Variants in LHFPL7 observed in about 807,000 individuals in gnomAD.
LHFPL7 encodes the protein LHFPL tetraspan subfamily member 7.
chr22:24,944,561 G>A, the LHFPL7 span, among the ~76,000 whole-genome samples: 8 of 151,968 alleles, frequency 5.3e-5, no homozygotes, highest in Non-Finnish European at 1.0e-4. Flanking sequence ...AGAGCGGTGC[G>A]CCTTGTAGCA....
At chr22:24,935,457 T>C in the LHFPL7 span, 6 of 1,614,070 alleles carry the variant, frequency 3.7e-6, no homozygotes, top group Admixed American at 3.3e-5. Flanking sequence ...CAGGACTGCA[T>C]TGAGGATAGC....
chr22:24,939,212 G>A, the LHFPL7 span: 1 of 672,750 alleles, frequency 1.5e-6, no homozygotes, highest in Non-Finnish European at 2.7e-6. Context: ...TGGCAAATTC[G>A]AAGCCACTGG....
At chr22:24,944,734 T>G in the LHFPL7 span, among the ~76,000 whole-genome samples, 1 of 151,708 alleles carries the variant, frequency 6.6e-6, no homozygotes, top group African/African-American at 2.4e-5. Context: ...ATTTATTTAT[T>G]TATTTATTTA....
the LHFPL7 span, among the ~76,000 whole-genome samples, chr22:24,944,703 C>T: frequency 2.7e-5 from 4 of 150,234 alleles, no homozygotes; most frequent in African/African-American, 7.5e-5. Flanking sequence ...TACAGGCATG[C>T]ACCAACATGC....
At chr22:24,939,182 C>G in the LHFPL7 span, among the ~76,000 whole-genome samples, 1 of 152,072 alleles carries the variant, frequency 6.6e-6, no homozygotes, top group African/African-American at 2.4e-5. Flanking sequence ...AACTTCTATG[C>G]TCAGTTCTAA....
the LHFPL7 span, among the ~76,000 whole-genome samples, chr22:24,935,804 T>G: frequency 6.6e-6 from 1 of 151,980 alleles, no homozygotes; most frequent in African/African-American, 2.4e-5. Context: ...ACCCATCCAT[T>G]CAAACATACT....
the LHFPL7 span, chr22:24,939,357 T>C: frequency 2.8e-6 from 2 of 702,942 alleles, no homozygotes; most frequent in Middle Eastern, 4.6e-4. Context: ...GTCAGGAATA[T>C]CCTCCAGGGA....
the LHFPL7 span, among the ~76,000 whole-genome samples, chr22:24,939,919 T>C: frequency 7.9e-6 from 1 of 127,340 alleles, no homozygotes; most frequent in Non-Finnish European, 1.6e-5. Flanking sequence ...TTCATTCATT[T>C]ATCGCTTTTT....
At chr22:24,940,636 C>CCTTCCTTCCTT in the LHFPL7 span, among the ~76,000 whole-genome samples, 18 of 61,094 alleles carry the variant, frequency 2.9e-4, no homozygotes, top group African/African-American at 9.8e-4. Context: ...CATATGCCCG[C>CCTTCCTTCCTT]CCTTCCTTCC....
chr22:24,941,979 T>TTTTATTTATTTATTTATTTA, the LHFPL7 span, among the ~76,000 whole-genome samples: 318 of 145,972 alleles, frequency 2.2e-3, 4 homozygotes, highest in African/African-American at 7.5e-3. Context: ...TTCAAATGTA[T>TTTTATTTATTTATTTATTTA]TTTATTTATT....
At chr22:24,945,928 C>A in the LHFPL7 span, among the ~76,000 whole-genome samples, 1 of 152,240 alleles carries the variant, frequency 6.6e-6, no homozygotes, top group Non-Finnish European at 1.5e-5. Context: ...AATTATGTAA[C>A]GGCTCTGAGC....
chr22:24,942,855 T>C, the LHFPL7 span, among the ~76,000 whole-genome samples: 1 of 148,792 alleles, frequency 6.7e-6, no homozygotes, highest in Admixed American at 6.7e-5. Flanking sequence ...CTCTGGAAAA[T>C]GGGAGTGAGG....
the LHFPL7 span, among the ~76,000 whole-genome samples, chr22:24,941,070 T>A: frequency 3.3e-5 from 5 of 151,552 alleles, no homozygotes; most frequent in African/African-American, 7.3e-5. Flanking sequence ...GTTTTTTTTT[T>A]ATTTTAATTA....
the LHFPL7 span, among the ~76,000 whole-genome samples, chr22:24,939,923 G>A: frequency 9.0e-5 from 7 of 77,980 alleles, no homozygotes; most frequent in Admixed American, 6.9e-4. Context: ...TTCATTTATC[G>A]CTTTTTTTTT....
chr22:24,939,250 T>TCGAATTC, the LHFPL7 span: 3 of 695,824 alleles, frequency 4.3e-6, no homozygotes, highest in Non-Finnish European at 7.9e-6. Context: ...GAAAGCCTCC[T>TCGAATTC]CGAATTCCGC....
At chr22:24,943,946 G>A in the LHFPL7 span, among the ~76,000 whole-genome samples, 1 of 152,140 alleles carries the variant, frequency 6.6e-6, no homozygotes, top group African/African-American at 2.4e-5. Flanking sequence ...AATTGGAGGG[G>A]TTGATCAATC....
the LHFPL7 span, chr22:24,935,347 C>G: frequency 1.2e-6 from 2 of 1,612,206 alleles, no homozygotes; most frequent in African/African-American, 2.7e-5. Flanking sequence ...TTGTTCATTT[C>G]TGGCACAAAG....
the LHFPL7 span, among the ~76,000 whole-genome samples, chr22:24,943,319 CAACCGTCCAGGTGCCCAGA>C: frequency 6.6e-6 from 1 of 152,170 alleles, no homozygotes; most frequent in African/African-American, 2.4e-5. Context: ...AAAATCACGT[CAACCGTCCAGGTGCCCAGA>C]AACCTAAATG....
chr22:24,941,415 T>C, the LHFPL7 span, among the ~76,000 whole-genome samples: 5 of 152,120 alleles, frequency 3.3e-5, no homozygotes, highest in Admixed American at 2.6e-4. Flanking sequence ...GTCTTACTTT[T>C]GGACTGAAAC....
Sources: gnomAD v4.1 joint callset for allele counts (sites outside exome capture counted in the v4.1 genomes callset) on GRCh38, gnomAD v4.1.1 for gene constraint, MANE v1.5 for transcripts, NCBI Gene and HGNC (gene_info 2026-07-23, HGNC 2026-07-21) for gene names.